Variants in DSCAML1 observed in about 807,000 individuals in gnomAD.
DSCAML1 encodes cell adhesion molecule DSCAML1.
A neutral mutation model predicts 200.5 loss-of-function variants in DSCAML1; 38 were observed. The ratio of observed to expected loss-of-function variants is 0.19; its 90% confidence interval spans 0.15 to 0.25. DSCAML1 has a LOEUF of 0.25. DSCAML1 is among the 10% of genes least tolerant of loss of function. The pLI, the probability that DSCAML1 is intolerant of heterozygous loss-of-function variation, is 1.00. For synonymous variants in DSCAML1, 1,215 were observed against 1,165.0 expected (o/e 1.04, Z -0.87); for missense variants, 2,223 against 2,858.8 (o/e 0.78, Z 5.07).
At position 117,439,420 on chromosome 11, in the gene DSCAML1, C is replaced by T. The variant is rs138765591; in HGVS notation, c.3990G>A (p.Ser1330=). ...GCCCATCCATGGACACTGGAATGGC[C>T]GAGTCTTCACTGCCAGGGGCGAGGA... ...AVKWTKDSED[S]AIPVSMDGHR... The change falls in exon 23 of 33, where the codon TCG becomes TCA. Residue 1330 remains serine, a synonymous_variant. Transcript: ENST00000651296. The T allele has an allele frequency of 6.4e-5, 103 of 1,612,308 alleles. 1 individual carries two copies. In the African/African-American group the frequency reaches 7.3e-4, roughly 11 times the overall value.
intron 3 of DSCAML1, among the ~76,000 whole-genome samples, chr11:117,767,589 C>T (rs560885075): frequency 6.6e-6 from 1 of 152,298 alleles, no homozygotes; most frequent in East Asian, 1.9e-4. Context: ...TCCTTTCTCA[C>T]CAAAGCAAAC....
chr11:117,687,426 ATTTTTTTTTTTTT>A (rs71037492), intron 3 of DSCAML1, among the ~76,000 whole-genome samples: 2 of 97,648 alleles, frequency 2.0e-5, no homozygotes, highest in East Asian at 5.9e-4. Context: ...ATGCCTGGCT[ATTTTTTTTTTTTT>A]TTTTTTTTTA....
At position 117,773,562 on chromosome 11, in the gene DSCAML1, C is replaced by CACACAG. The variant is rs1158759688; in HGVS notation, c.511+3228_511+3229insCTGTGT. On this transcript the variant is annotated intron_variant, in intron 3 of 32. Transcript: ENST00000651296. ...ACACACACACACACACACACACACACAGCACAGCACACACACTGGGCATAG... is the reference window on the plus strand; with the variant it reads ...ACACACACACACACACACACACACACACACAGAGCACAGCACACACACTGGGCATAG... Among the ~76,000 whole-genome samples the CACACAG allele has an allele frequency of 4.7e-5, 7 of 149,192 alleles. No homozygotes were observed. The East Asian group carries it at 1.2e-3, about 25-fold the overall frequency.
chr11:117,765,458 A>G (rs2054880008), intron 3 of DSCAML1, among the ~76,000 whole-genome samples: 2 of 152,138 alleles, frequency 1.3e-5, no homozygotes, highest in African/African-American at 4.8e-5. Context: ...TGAAGGTCCC[A>G]TGAGCCTGTG....
At chr11:117,644,009 G>A (rs768002089) in intron 3 of DSCAML1, among the ~76,000 whole-genome samples, 27 of 152,316 alleles carry the variant, frequency 1.8e-4, no homozygotes, top group Middle Eastern at 6.8e-3. Flanking sequence ...AACTACTGTC[G>A]GGGAAGAGGC....
upstream of DSCAML1, among the ~76,000 whole-genome samples, chr11:117,798,272 A>C (rs1182254174): frequency 6.6e-6 from 1 of 152,180 alleles, no homozygotes; most frequent in Non-Finnish European, 1.5e-5. Flanking sequence ...TGGAGTGCGA[A>C]GTTTGGAGGG....
chr11:117,781,063 G>A (rs933042658), intron 1 of DSCAML1, among the ~76,000 whole-genome samples: 2 of 152,126 alleles, frequency 1.3e-5, no homozygotes, highest in Non-Finnish European at 1.5e-5. Flanking sequence ...TTGGGAGGCC[G>A]AGGCGGGCGG....
intron 3 of DSCAML1, among the ~76,000 whole-genome samples, chr11:117,546,092 G>A (rs1241960160): frequency 6.6e-6 from 1 of 152,218 alleles, no homozygotes; most frequent in African/African-American, 2.4e-5. Context: ...CCACCCCCAA[G>A]TCCCCCTTTC....
Position 117,718,764 on chromosome 11 carries a change from A to G in DSCAML1, c.511+58027T>C, listed in dbSNP as rs192506924. Among the ~76,000 whole-genome samples the G allele has an allele frequency of 4.2e-5, 6 of 143,752 alleles. No individual in the cohort carries two copies. The East Asian group carries it at 1.2e-3, about 30-fold the overall frequency. The allele number at this position is 143,752 out of a possible 152,430, so 94.3% of individuals were successfully genotyped here. ...GTTACTGCGCACTTGGCCTCCAAAC[A>G]CCTCAGTGAAGCAGTGTGGAAATTA... On this transcript the variant is annotated intron_variant, in intron 3 of 32. Transcript: ENST00000651296.
intron 3 of DSCAML1, among the ~76,000 whole-genome samples, chr11:117,644,257 C>A (rs2052474568): frequency 6.6e-6 from 1 of 152,234 alleles, no homozygotes; most frequent in Admixed American, 6.5e-5. Flanking sequence ...AGGAAACAAG[C>A]GGATATTTTA....
chr11:117,572,857 C>T (rs150377964), intron 3 of DSCAML1, among the ~76,000 whole-genome samples: 338 of 152,256 alleles, frequency 2.2e-3, no homozygotes, highest in African/African-American at 7.1e-3. Context: ...CCTCACAAGG[C>T]CAGAGAGCCC....
In DSCAML1 at chr11:117,431,149, C is replaced by T. The variant is rs573402740; in HGVS notation, c.5375-116G>A. The T allele has an allele frequency of 2.1e-4, 221 of 1,051,232 alleles. No individual in the cohort carries two copies. The African/African-American group carries it at 3.2e-3, about 15-fold the overall frequency. The allele number at this position is 1,051,232 out of a possible 1,614,324, so 65.1% of individuals were successfully genotyped here. On this transcript the variant is annotated intron_variant, in intron 31 of 32. Transcript: ENST00000651296. Reference sequence around the variant, plus strand: ...CATCTGTAAGTCTGGCCATGGAGGGCACCAGGCTGAGAAGATCCCGTGAAG... The same window carrying T: ...CATCTGTAAGTCTGGCCATGGAGGGTACCAGGCTGAGAAGATCCCGTGAAG...
intron 3 of DSCAML1, among the ~76,000 whole-genome samples, chr11:117,624,894 G>A (rs1197570385): frequency 6.6e-6 from 1 of 152,164 alleles, no homozygotes; most frequent in Non-Finnish European, 1.5e-5. Context: ...GGGGAGGCAG[G>A]GTTGGATTTT....
In DSCAML1 at chr11:117,762,043, G is replaced by A. The variant is rs573830502; in HGVS notation, c.511+14748C>T. ...TCCACACAACAACCAGTACAGCATC[G>A]ACTCACTCCACGCGGCAGGATCTCA... On this transcript the variant is annotated intron_variant, in intron 3 of 32. Transcript: ENST00000651296. 7.2e-5 allele frequency among the ~76,000 whole-genome samples: 11 copies of A among 151,988 alleles called. No individual in the cohort carries two copies. In the East Asian group the frequency reaches 9.7e-4, roughly 13 times the overall value.
chr11:117,471,568 G>T (rs56756594), intron 15 of DSCAML1, among the ~76,000 whole-genome samples: 272 of 152,310 alleles, frequency 1.8e-3, no homozygotes, highest in African/African-American at 6.0e-3. Flanking sequence ...GAGGGTCATA[G>T]AAAATGATCC....
intron 1 of DSCAML1, 59 bp downstream of exon 1, chr11:117,796,975 C>T (rs1183761699): frequency 9.7e-6 from 12 of 1,231,674 alleles, no homozygotes; most frequent in Middle Eastern, 2.2e-4. Flanking sequence ...CGCCTCGCCG[C>T]CAGCCGCGCC....
At chr11:117,660,642 C>T (rs879103227) in intron 3 of DSCAML1, among the ~76,000 whole-genome samples, 5 of 152,100 alleles carry the variant, frequency 3.3e-5, no homozygotes, top group Admixed American at 3.3e-4. Flanking sequence ...TTGTAAACAA[C>T]GTAAGTCCCT....
intron 3 of DSCAML1, among the ~76,000 whole-genome samples, chr11:117,679,093 G>A (rs7926736): frequency 0.16 from 24,206 of 152,286 alleles, 2,004 homozygotes; most frequent in African/African-American, 0.21. Context: ...GCCTGGGCCA[G>A]AGCAGAGGCC....
intron 3 of DSCAML1, among the ~76,000 whole-genome samples, chr11:117,645,596 T>C (rs1278073151): frequency 2.0e-5 from 3 of 152,028 alleles, no homozygotes; most frequent in African/African-American, 7.3e-5. Context: ...TCATGTCTTT[T>C]GTAGGGACAT....
Sources: allele counts gnomAD v4.1 joint callset (sites outside exome capture counted in the v4.1 genomes callset), GRCh38; gene constraint gnomAD v4.1.1; transcripts MANE v1.5; gene names NCBI Gene and HGNC (gene_info 2026-07-23, HGNC 2026-07-21).